The following CACNA2D3 variants were observed in gnomAD, a reference collection of about 807,000 sequenced individuals.
CACNA2D3 encodes calcium voltage-gated channel auxiliary subunit alpha2delta 3.
Under a neutral mutation model 160.6 loss-of-function variants are expected in CACNA2D3, and 60 were observed. That is an observed-to-expected ratio of 0.37 (90% confidence interval 0.30 to 0.46). CACNA2D3 has a LOEUF of 0.46. CACNA2D3 is among the 20% of genes least tolerant of loss of function. CACNA2D3 has a pLI of 1.00. For missense variants in CACNA2D3, 1,205 were observed against 1,365.0 expected, an observed-to-expected ratio of 0.88 and a Z score of 1.85; for synonymous variants, 558 against 492.9, an observed-to-expected ratio of 1.13 and a Z score of -1.75.
chr3:54,887,993 C>A lies in CACNA2D3; in HGVS notation c.2091C>A (p.Asp697Glu), dbSNP rs377667754. 2.5e-6 allele frequency: 4 copies of A among 1,613,738 alleles called. No homozygotes were observed. Among genetic ancestry groups the A allele is most frequent in the Non-Finnish European group, 3.4e-6 (4 of 1,179,818 alleles). The part of the protein sequence containing the change: ...DKELIQEVLF[D>E]AVVSAPIEAY... Reference sequence around the variant, plus strand: ...AATTGATCCAAGAAGTCCTTTTTGACGCGGTGGTGAGTGCCCCCATTGAAG... The same window carrying A: ...AATTGATCCAAGAAGTCCTTTTTGAAGCGGTGGTGAGTGCCCCCATTGAAG... Residue 697 changes from aspartate (D) to glutamate (E), a missense_variant, in exon 24 of 38, where the codon GAC becomes GAA. This residue lies in a region of CACNA2D3 where 911 missense variants were observed against 1,002.2 expected (regional missense o/e 0.91). Coordinates refer to ENST00000474759, the MANE Select transcript of CACNA2D3 (RefSeq NM_018398.3).
At chr3:54,949,799 G>T (rs1701710264) in intron 27 of CACNA2D3, among the ~76,000 whole-genome samples, 1 of 116,978 alleles carries the variant, frequency 8.5e-6, no homozygotes, top group Admixed American at 1.1e-4. Context: ...CTGGATGGAA[G>T]ACTTTTTTTG....
intron 11 of CACNA2D3, among the ~76,000 whole-genome samples, chr3:54,750,156 T>G (rs960843452): frequency 2.6e-5 from 4 of 152,216 alleles, no homozygotes; most frequent in Non-Finnish European, 4.4e-5. Context: ...TCTGGAGTTT[T>G]AACTATGTCT....
At chr3:54,277,378 A>G (rs1349459096) in intron 2 of CACNA2D3, among the ~76,000 whole-genome samples, 1 of 152,230 alleles carries the variant, frequency 6.6e-6, no homozygotes, top group Non-Finnish European at 1.5e-5. Context: ...CATTTATTAA[A>G]TAGGGAATCC....
intron 2 of CACNA2D3, among the ~76,000 whole-genome samples, chr3:54,296,603 A>ATG (rs990778901): frequency 2.3e-4 from 35 of 152,312 alleles, no homozygotes; most frequent in African/African-American, 8.4e-4. Flanking sequence ...TAATAACGGG[A>ATG]TGTGTACACG....
At chr3:55,010,068 A>C (rs1703176734) in intron 34 of CACNA2D3, among the ~76,000 whole-genome samples, 1 of 152,176 alleles carries the variant, frequency 6.6e-6, no homozygotes, top group Non-Finnish European at 1.5e-5. Context: ...GTGTGTGTGC[A>C]TGTATGTTTA....
chr3:55,058,309 G>A (rs1453663672), intron 35 of CACNA2D3, among the ~76,000 whole-genome samples: 2 of 152,192 alleles, frequency 1.3e-5, no homozygotes, highest in Admixed American at 6.5e-5. Flanking sequence ...GTCAAAGTAG[G>A]AAGGCATGAA....
At chr3:54,809,711 T>C (rs1363022351) in intron 13 of CACNA2D3, among the ~76,000 whole-genome samples, 3 of 151,184 alleles carry the variant, frequency 2.0e-5, no homozygotes, top group Non-Finnish European at 4.4e-5. Flanking sequence ...CTTTCCTCCT[T>C]CCTCTCTCCC....
chr3:54,554,921 C>G (rs1702220249), intron 5 of CACNA2D3, among the ~76,000 whole-genome samples: 1 of 130,816 alleles, frequency 7.6e-6, no homozygotes, highest in South Asian at 2.7e-4. Flanking sequence ...GTCACCCAGT[C>G]TGGAGTCCAG....
At chr3:54,929,542 C>G (rs1030950591) in intron 27 of CACNA2D3, among the ~76,000 whole-genome samples, 3 of 152,104 alleles carry the variant, frequency 2.0e-5, no homozygotes, top group Non-Finnish European at 4.4e-5. Context: ...TTGGCCAAGC[C>G]CCTTGTCACC....
intron 11 of CACNA2D3, among the ~76,000 whole-genome samples, chr3:54,715,111 C>G (rs1012460430): frequency 6.6e-6 from 1 of 152,174 alleles, no homozygotes; most frequent in Non-Finnish European, 1.5e-5. Context: ...AGGACAGTTG[C>G]AAGTAGTAGA....
At chr3:54,150,367 C>G (rs1366142691) in intron 2 of CACNA2D3, among the ~76,000 whole-genome samples, 1 of 152,150 alleles carries the variant, frequency 6.6e-6, no homozygotes, top group Non-Finnish European at 1.5e-5. Flanking sequence ...ACAATGGAAT[C>G]TTTTCATTCC....
At chr3:54,368,956 C>T (rs1233207362) in intron 3 of CACNA2D3, among the ~76,000 whole-genome samples, 4 of 151,890 alleles carry the variant, frequency 2.6e-5, no homozygotes, top group Non-Finnish European at 2.9e-5. Flanking sequence ...CCGCCTCAGC[C>T]TCCCAAAGTG....
chr3:54,664,741 G>C (rs539847778), intron 11 of CACNA2D3, among the ~76,000 whole-genome samples: 1 of 152,350 alleles, frequency 6.6e-6, no homozygotes, highest in South Asian at 2.1e-4. Flanking sequence ...GATGGGAAAG[G>C]GCTGAGCAGG....
intron 2 of CACNA2D3, among the ~76,000 whole-genome samples, chr3:54,318,799 A>G (rs532636722): frequency 1.3e-5 from 2 of 151,388 alleles, no homozygotes; most frequent in South Asian, 4.2e-4. Context: ...GGCTCAAGCA[A>G]TCCTTCCACT....
chr3:54,216,080 T>C (rs1701457584), intron 2 of CACNA2D3, among the ~76,000 whole-genome samples: 2 of 152,070 alleles, frequency 1.3e-5, no homozygotes, highest in African/African-American at 4.8e-5. Context: ...CTTTGAGAGC[T>C]TGTGCGCTGT....
intron 4 of CACNA2D3, among the ~76,000 whole-genome samples, chr3:54,444,910 G>C (rs1411163216): frequency 6.6e-6 from 1 of 152,212 alleles, no homozygotes; most frequent in Non-Finnish European, 1.5e-5. Flanking sequence ...CTCTGCCTTT[G>C]CAAGTGCAGC....
intron 2 of CACNA2D3, among the ~76,000 whole-genome samples, chr3:54,248,067 C>T (rs1435662294): frequency 6.6e-6 from 1 of 152,192 alleles, no homozygotes; most frequent in African/African-American, 2.4e-5. Flanking sequence ...GTTATGGACT[C>T]AGTTGTGTCC....
intron 25 of CACNA2D3, among the ~76,000 whole-genome samples, chr3:54,895,431 C>T (rs911768389): frequency 2.6e-5 from 4 of 152,114 alleles, no homozygotes; most frequent in Non-Finnish European, 4.4e-5. Flanking sequence ...AGGGTGTCCT[C>T]GAAGGGCATG....
chr3:54,560,025 G>A (rs774945950), intron 5 of CACNA2D3, among the ~76,000 whole-genome samples: 16 of 152,126 alleles, frequency 1.1e-4, no homozygotes, highest in Non-Finnish European at 1.6e-4. Flanking sequence ...TTACTGTTGT[G>A]AGTAGTGCAG....
Sources: gnomAD v4.1 joint callset for allele counts (sites outside exome capture counted in the v4.1 genomes callset) on GRCh38, gnomAD v4.1.1 for gene constraint, gnomAD v4.1.1 regional missense constraint, MANE v1.5 for transcripts, NCBI Gene and HGNC (gene_info 2026-07-23, HGNC 2026-07-21) for gene names.